ZNF563: variants seen among roughly 807,000 people sequenced by gnomAD.
ZNF563 encodes zinc finger protein 563.
In ZNF563, 39 loss-of-function variants were observed where a neutral mutation model predicts 48.5. The ratio of observed to expected loss-of-function variants is 0.80; its 90% CI spans 0.62 to 1.05. ZNF563 has a LOEUF of 1.05. Ranked by LOEUF, ZNF563 falls within the 50% of genes least tolerant of loss-of-function variation. The probability of loss-of-function intolerance (pLI) is 0.00; values close to 1 mark genes in which losing one functional copy is unlikely to be tolerated. For synonymous variants in ZNF563, 168 were observed against 187.9 expected (o/e 0.89, Z 0.87); for missense variants, 538 against 597.0 (o/e 0.90, Z 1.03).
At chr19:12,338,793 G>A in the ZNF563 span, among the ~76,000 whole-genome samples, 4 of 151,980 alleles carry the variant, frequency 2.6e-5, no homozygotes, top group South Asian at 2.1e-4. Context: ...CAGAGGTCGC[G>A]GTGAGCCAAG....
At chr19:12,325,935 CT>C (rs1446198134) in intron 1 of ZNF563, among the ~76,000 whole-genome samples, 3 of 152,162 alleles carry the variant, frequency 2.0e-5, no homozygotes, top group African/African-American at 7.2e-5. Flanking sequence ...GAAAATGTTA[CT>C]AAACAAATGA....
rs758037008 is a variant in ZNF563, at chr19:12,319,589, G to C, written c.436C>G (p.Arg146Gly). ...TGATGGTAACTGAAGGCTTTCCCAC[G>C]TTGTTTATGTGTATGTGGCTTCTCT... ...YGEKPHTHKQRGKAFSYHHSF... is the reference protein window; with the variant it reads ...YGEKPHTHKQGGKAFSYHHSF... The change falls in exon 4 of 4, where the codon CGT becomes GGT. Residue 146 changes from arginine to glycine, a missense_variant. By Grantham distance (125) the Arg-to-Gly change is moderately radical (BLOSUM62 -2). Transcript: ENST00000293725. The C allele has an allele frequency of 6.2e-7, 1 of 1,614,178 alleles. No individual in the cohort carries two copies. The highest frequency in any genetic ancestry group is 8.5e-7 in the Non-Finnish European group (1 of 1,180,030).
chr19:12,321,508 G>A (rs776100447), intron 2 of ZNF563, among the ~76,000 whole-genome samples, 176 bp from the exon 3 acceptor site: 10 of 152,172 alleles, frequency 6.6e-5, no homozygotes, highest in Admixed American at 2.6e-4. Flanking sequence ...GCAGTGGCAC[G>A]ATCTCGGCTC....
At chr19:12,342,826 A>C in the ZNF563 span, among the ~76,000 whole-genome samples, 1 of 151,876 alleles carries the variant, frequency 6.6e-6, no homozygotes, top group Non-Finnish European at 1.5e-5. Context: ...CCTTAAGACC[A>C]CTGAAAACAA....
At chr19:12,327,807 T>C (rs1968830117) in intron 1 of ZNF563, among the ~76,000 whole-genome samples, 1 of 152,200 alleles carries the variant, frequency 6.6e-6, no homozygotes, top group East Asian at 1.9e-4. Flanking sequence ...TTATAAGGCA[T>C]AGATAGTGAG....
At chr19:12,340,600 C>T in the ZNF563 span, among the ~76,000 whole-genome samples, 11 of 151,954 alleles carry the variant, frequency 7.2e-5, no homozygotes, top group African/African-American at 2.7e-4. Context: ...GTGGTGAAAC[C>T]CTGTCTCTAC....
Position 12,321,347 on chromosome 19 carries a change from C to T in ZNF563, c.131-15G>A. The T allele has an allele frequency of 1.3e-6, 2 of 1,511,450 alleles. No homozygotes were observed. Among genetic ancestry groups the T allele is most frequent in the Non-Finnish European group, 1.8e-6 (2 of 1,125,848 alleles). The allele number at this position is 1,511,450 out of a possible 1,614,324, so 93.6% of individuals were successfully genotyped here. On this transcript the variant is annotated splice_polypyrimidine_tract_variant and intron_variant, in intron 2 of 3. Coordinates refer to ENST00000293725, the MANE Select transcript of ZNF563 (RefSeq NM_145276.3). ...CCATATCATTCCTAAAAGGGAGACC[C>T]AGAAAATCACTATACATTATTAGAA...
At chr19:12,320,995 C>T (rs1416908252) in intron 3 of ZNF563, among the ~76,000 whole-genome samples, 1 of 151,790 alleles carries the variant, frequency 6.6e-6, no homozygotes, top group Non-Finnish European at 1.5e-5. Context: ...CAAAAATTAA[C>T]GAGGTGTGGT....
At chr19:12,333,707 C>T (rs1599579068), upstream of ZNF563, 2 of 586,244 alleles carry the variant, frequency 3.4e-6, no homozygotes, top group East Asian at 3.1e-5. Flanking sequence ...GCCAGCCGTG[C>T]GCCTGATTGA....
At chr19:12,346,029 T>A in the ZNF563 span, 1 of 152,006 alleles carries the variant, frequency 6.6e-6, no homozygotes, top group African/African-American at 2.4e-5. Context: ...ACATCGAAAT[T>A]AAAAACTTTT....
At chr19:12,322,031 T>A (rs995260033) in intron 2 of ZNF563, among the ~76,000 whole-genome samples, 1 of 152,108 alleles carries the variant, frequency 6.6e-6, no homozygotes, top group Non-Finnish European at 1.5e-5. Flanking sequence ...TTAATATGGA[T>A]TAATCAACTT....
chr19:12,332,228 G>C (rs202052123), intron 1 of ZNF563, among the ~76,000 whole-genome samples: 7 of 152,070 alleles, frequency 4.6e-5, no homozygotes, highest in Non-Finnish European at 1.5e-5. Context: ...AAAGGGAACA[G>C]GGGAAAGCAG....
chr19:12,344,852 G>A, the ZNF563 span, among the ~76,000 whole-genome samples: 2 of 152,252 alleles, frequency 1.3e-5, no homozygotes, highest in African/African-American at 4.8e-5. Flanking sequence ...AAATTTTACA[G>A]CTTATAAAAC....
In ZNF563 at chr19:12,321,327, T is replaced by C. The variant is rs747445862; in HGVS notation, c.136A>G (p.Ile46Val). The C allele has an allele frequency of 1.3e-6, 2 of 1,550,368 alleles. No individual in the cohort carries two copies. Among genetic ancestry groups the C allele is most frequent in the East Asian group, 4.7e-5 (2 of 42,266 alleles). The change falls in exon 3 of 4, where the codon ATA (isoleucine) becomes GTA (valine). Residue 46 changes from isoleucine to valine, a missense_variant. Coordinates refer to ENST00000293725, the MANE Select transcript of ZNF563 (RefSeq NM_145276.3). Reference sequence around the variant, plus strand: ...TCTTCAGTATTCTGTTCTTCCCATATCATTCCTAAAAGGGAGACCCAGAAA... The same window carrying C: ...TCTTCAGTATTCTGTTCTTCCCATACCATTCCTAAAAGGGAGACCCAGAAA... Reference protein sequence around the residue: ...TIRNLDCIRMIWEEQNTEDQY... With the variant: ...TIRNLDCIRMVWEEQNTEDQY...
upstream of ZNF563, among the ~76,000 whole-genome samples, chr19:12,333,988 G>A (rs531070033): frequency 1.1e-4 from 17 of 152,298 alleles, no homozygotes; most frequent in South Asian, 3.5e-3. Context: ...TGTTTTGCAG[G>A]GAATCCCAGA....
intron 1 of ZNF563, among the ~76,000 whole-genome samples, chr19:12,327,939 C>G (rs1465318781): frequency 6.6e-6 from 1 of 152,146 alleles, no homozygotes. Context: ...AGGCAAAATA[C>G]ACACATCTAC....
chr19:12,343,792 G>A, the ZNF563 span, among the ~76,000 whole-genome samples: 4 of 145,590 alleles, frequency 2.7e-5, no homozygotes, highest in South Asian at 2.2e-4. Flanking sequence ...GTACAGTGGC[G>A]CGATCTTGGC....
chr19:12,335,471 GGAA>G (rs1969008881), upstream of ZNF563, among the ~76,000 whole-genome samples: 2 of 152,208 alleles, frequency 1.3e-5, no homozygotes, highest in Non-Finnish European at 2.9e-5. Flanking sequence ...GGGCCACATT[GGAA>G]GAAGATGAAT....
chr19:12,335,783 A>G (rs1969014249), upstream of ZNF563, among the ~76,000 whole-genome samples: 1 of 152,218 alleles, frequency 6.6e-6, no homozygotes, highest in African/African-American at 2.4e-5. Context: ...GCATTGGATC[A>G]TACTCTTTCA....
Sources: gnomAD v4.1 joint callset for allele counts (sites outside exome capture counted in the v4.1 genomes callset) on GRCh38, gnomAD v4.1.1 for gene constraint, MANE v1.5 for transcripts, NCBI Gene and HGNC (gene_info 2026-07-23, HGNC 2026-07-21) for gene names.